ESR1: variants seen among roughly 807,000 people sequenced by gnomAD.
ESR1 encodes the protein estrogen receptor.
Under a neutral mutation model 52.7 loss-of-function variants are expected in ESR1, and 12 were observed. That is an observed-to-expected ratio of 0.23 (90% CI 0.15 to 0.37). The LOEUF is 0.37. ESR1 is among the 10% of genes least tolerant of loss of function. The pLI, the probability that ESR1 is intolerant of heterozygous loss-of-function variation, is 1.00. For missense variants in ESR1, 584 were observed against 779.7 expected (o/e 0.75, Z 2.99); for synonymous variants, 305 against 316.8 (o/e 0.96, Z 0.39).
At chr6:152,121,805 T>G (rs2051446099) in intron 6 of ESR1, 1 of 152,908 alleles carries the variant, frequency 6.5e-6, no homozygotes, top group African/African-American at 2.4e-5. Context: ...TTTTTTCACA[T>G]AAAGCCTTCC....
intron 6 of ESR1, among the ~76,000 whole-genome samples, chr6:152,080,411 T>A (rs539134762): frequency 6.6e-6 from 1 of 152,128 alleles, no homozygotes; most frequent in East Asian, 1.9e-4. Flanking sequence ...CTAAGCTTCA[T>A]AAGTGAAGGA....
intron 6 of ESR1, among the ~76,000 whole-genome samples, chr6:152,080,781 A>C (rs2049131453): frequency 6.6e-6 from 1 of 152,222 alleles, no homozygotes; most frequent in African/African-American, 2.4e-5. Flanking sequence ...ACATAGGCTC[A>C]AAATAAAGGG....
At chr6:151,801,493 C>T (rs78515646), upstream of ESR1, among the ~76,000 whole-genome samples, 566 of 152,268 alleles carry the variant, frequency 3.7e-3, 24 homozygotes, top group East Asian at 0.093. Flanking sequence ...TTCAAACTGT[C>T]TTCATCAAGT....
intron 3 of ESR1, among the ~76,000 whole-genome samples, chr6:151,898,697 A>G (rs1417207576): frequency 2.6e-5 from 4 of 152,180 alleles, no homozygotes; most frequent in Admixed American, 6.5e-5. Context: ...CACATGTTTC[A>G]GAGAGCACAG....
chr6:151,906,759 G>A (rs1391385909), intron 3 of ESR1, among the ~76,000 whole-genome samples: 1 of 148,792 alleles, frequency 6.7e-6, no homozygotes, highest in Non-Finnish European at 1.5e-5. Context: ...AAAATTTTAA[G>A]TTGTGGAATT....
chr6:151,906,643 C>T (rs539649341), intron 3 of ESR1, among the ~76,000 whole-genome samples: 35 of 150,364 alleles, frequency 2.3e-4, no homozygotes, highest in Non-Finnish European at 4.0e-4. Context: ...TAATCTTTTA[C>T]AGATATTTAT....
At chr6:151,822,925 G>C (rs559800244) in intron 1 of ESR1, among the ~76,000 whole-genome samples, 1 of 152,148 alleles carries the variant, frequency 6.6e-6, no homozygotes, top group African/African-American at 2.4e-5. Flanking sequence ...ATGGTTAAAC[G>C]TGTGATGATT....
intron 3 of ESR1, among the ~76,000 whole-genome samples, chr6:151,941,775 A>G (rs1214631428): frequency 2.6e-5 from 4 of 152,158 alleles, no homozygotes; most frequent in African/African-American, 7.2e-5. Flanking sequence ...AGCTCTGACT[A>G]TTACAAACTG....
chr6:152,061,053 C>T lies in ESR1; in HGVS notation c.1298C>T (p.Ser433Phe), dbSNP rs1171341785. The T allele has an allele frequency of 1.9e-6, 3 of 1,612,874 alleles. No individual in the cohort carries two copies. Among genetic ancestry groups the T allele is most frequent in the South Asian group, 1.1e-5 (1 of 91,034 alleles). Reference protein sequence around the residue: ...EIFDMLLATSSRFRMMNLQGE... With the variant: ...EIFDMLLATSFRFRMMNLQGE... ...TTCGACATGCTGCTGGCTACATCAT[C>T]TCGGTTCCGCATGATGAATCTGCAG... Residue 433 changes from serine (S) to phenylalanine (F), a missense_variant, in exon 6 of 8, where the codon TCT becomes TTT. Coordinates refer to ENST00000206249, the MANE Select transcript of ESR1 (RefSeq NM_000125.4). The surrounding 1 kb of genome is among the most constrained non-coding windows in gnomAD (Gnocchi z 4.3).
At chr6:151,896,995 G>C (rs886393199) in intron 3 of ESR1, among the ~76,000 whole-genome samples, 3 of 152,136 alleles carry the variant, frequency 2.0e-5, no homozygotes, top group South Asian at 2.1e-4. Flanking sequence ...GTTTTGGAAG[G>C]TTCCTTTTGG....
chr6:152,021,418 C>G lies in ESR1; in HGVS notation c.1235+9624C>G, dbSNP rs866590854. 4.6e-5 allele frequency among the ~76,000 whole-genome samples: 7 copies of G among 152,224 alleles called. No homozygotes were observed. In the South Asian group the frequency reaches 1.2e-3, roughly 27 times the overall value. On this transcript the variant is annotated intron_variant, in intron 5 of 7. Transcript: ENST00000206249. ...TAATAAACTCCCCTTTATATATATC[C>G]TATTAGTTCTGTCCCTCTAGAGAAC...
chr6:151,828,666 T>C (rs544039107), intron 1 of ESR1, among the ~76,000 whole-genome samples: 2 of 152,276 alleles, frequency 1.3e-5, no homozygotes, highest in African/African-American at 4.8e-5. Context: ...AAAGAGGTCG[T>C]AATAGCATGT....
chr6:152,111,606 T>C (rs1011811608), intron 6 of ESR1, among the ~76,000 whole-genome samples: 3 of 152,240 alleles, frequency 2.0e-5, no homozygotes, highest in African/African-American at 7.2e-5. Flanking sequence ...CAATGGAGTT[T>C]AAGCTGAAAA....
intron 1 of ESR1, among the ~76,000 whole-genome samples, chr6:151,669,153 A>AGAGAGAGAGAGAGAGAGGGAGAG (rs1777943102): frequency 8.7e-6 from 1 of 114,380 alleles, no homozygotes; most frequent in Non-Finnish European, 1.9e-5. Flanking sequence ...GCTGGGAGAG[A>AGAGAGAGAGAGAGAGAGGGAGAG]GAGAGAGAGA....
At chr6:151,749,804 A>T (rs1181824437) in intron 2 of ESR1, among the ~76,000 whole-genome samples, 1 of 152,194 alleles carries the variant, frequency 6.6e-6, no homozygotes, top group Admixed American at 6.5e-5. Flanking sequence ...TGGGGGAAAA[A>T]GAACTGCTAG....
At chr6:151,742,947 G>A (rs1050481316) in intron 2 of ESR1, among the ~76,000 whole-genome samples, 1 of 152,178 alleles carries the variant, frequency 6.6e-6, no homozygotes, top group Admixed American at 6.5e-5. Flanking sequence ...AAAATTGAAT[G>A]GTGCTTAATA....
intron 4 of ESR1, among the ~76,000 whole-genome samples, chr6:151,990,570 T>C (rs1246985643): frequency 6.6e-6 from 1 of 151,510 alleles, no homozygotes; most frequent in African/African-American, 2.4e-5. Flanking sequence ...GGAACATCTC[T>C]TTTGCTCCCA....
At chr6:151,704,534 C>T (rs1037363046) in intron 2 of ESR1, among the ~76,000 whole-genome samples, 6 of 152,228 alleles carry the variant, frequency 3.9e-5, no homozygotes, top group Non-Finnish European at 5.9e-5. Flanking sequence ...GGATTACAGG[C>T]GTGAGCCAAC....
intron 3 of ESR1, among the ~76,000 whole-genome samples, chr6:151,917,417 T>C (rs1379474048): frequency 6.6e-6 from 1 of 152,208 alleles, no homozygotes; most frequent in East Asian, 1.9e-4. Context: ...AATTTTGTTA[T>C]TAATAAATCA....
Sources: allele counts gnomAD v4.1 joint callset (sites outside exome capture counted in the v4.1 genomes callset), GRCh38; gene constraint gnomAD v4.1.1; non-coding constraint Gnocchi (gnomAD v3.1); transcripts MANE v1.5; gene names NCBI Gene and HGNC (gene_info 2026-07-23, HGNC 2026-07-21).